The following ZNF469 variants were observed in gnomAD, a reference collection of about 807,000 sequenced individuals.
The protein encoded by ZNF469 is zinc finger protein 469.
Under a neutral mutation model 1.0 loss-of-function variants are expected in ZNF469, and 1 was observed. The observed-to-expected ratio is 1.00, with a 90% CI of 0.35 to 4.73. The LOEUF (loss-of-function observed/expected upper bound fraction) is 4.73. Among genes scored for constraint, ZNF469 ranks in the 30% most tolerant of loss-of-function variants. The pLI, the probability that ZNF469 is intolerant of heterozygous loss-of-function variation, is 0.16. For synonymous variants in ZNF469, 2,703 were observed against 2,363.4 expected, an observed-to-expected ratio of 1.14 and a Z score of -4.17; for missense variants, 6,100 against 5,356.3, an observed-to-expected ratio of 1.14 and a Z score of -4.33.
chr16:88,430,305 G>C lies in ZNF469; in HGVS notation c.2835G>C (p.Gln945His). The C allele has an allele frequency of 6.6e-7, 1 of 1,515,512 alleles. No individual in the cohort carries two copies. Among genetic ancestry groups the C allele is most frequent in the Non-Finnish European group, 8.8e-7 (1 of 1,134,882 alleles). 93.9% of individuals were successfully genotyped at this position (1,515,512 alleles called of 1,614,324 possible). Residue 945 changes from glutamine (Q) to histidine (H), a missense_variant, in exon 3 of 3, where the codon CAG (glutamine) becomes CAC (histidine). Gln to His is a conservative substitution (Grantham distance 24). Transcript: ENST00000565624. ...EADAPSQGRQ[Q>H]RRGKQLKLFR... ...ATGCGCCCAGCCAGGGCAGGCAGCA[G>C]AGGAGGGGGAAGCAGTTGAAGCTGT...
chr16:88,406,527 G>T (rs574264886), intron 1 of ZNF469, among the ~76,000 whole-genome samples: 1 of 152,182 alleles, frequency 6.6e-6, no homozygotes, highest in Non-Finnish European at 1.5e-5. Context: ...CCAGGTTATC[G>T]GAAGGACCCG....
the ZNF469 span, among the ~76,000 whole-genome samples, chr16:88,312,283 G>A: frequency 6.6e-6 from 1 of 152,232 alleles, no homozygotes; most frequent in Non-Finnish European, 1.5e-5. Flanking sequence ...AAGCCTATCA[G>A]TACGGTAGTT....
chr16:88,302,850 G>A, the ZNF469 span, among the ~76,000 whole-genome samples: 11 of 152,188 alleles, frequency 7.2e-5, no homozygotes, highest in Admixed American at 2.0e-4. Flanking sequence ...GGCCAGGGTG[G>A]GGCCACCACT....
chr16:88,397,140 C>T (rs72805329), intron 1 of ZNF469, among the ~76,000 whole-genome samples: 14,646 of 152,288 alleles, frequency 0.096, 811 homozygotes, highest in African/African-American at 0.13. Flanking sequence ...GGCTAAGTGG[C>T]CCCCAGGGCT....
the ZNF469 span, among the ~76,000 whole-genome samples, chr16:88,139,266 T>A: frequency 2.0e-5 from 3 of 151,918 alleles, no homozygotes; most frequent in East Asian, 5.8e-4. Flanking sequence ...GAAATCTTTT[T>A]GCCCCCTGGC....
rs953923193 is a variant in ZNF469 at position 88,431,558 on chromosome 16, C to T, written c.4088C>T (p.Pro1363Leu). The change falls in exon 3 of 3, where the codon CCC (proline) becomes CTC (leucine). Residue 1363 changes from proline to leucine, a missense_variant. Transcript: ENST00000565624. ...GACCCTGCTGGTTTTAACAGAGACCCCTTGGGGGTTCCAGTTGCCAAAAAG... is the reference window on the plus strand; with the variant it reads ...GACCCTGCTGGTTTTAACAGAGACCTCTTGGGGGTTCCAGTTGCCAAAAAG... ...GCDPAGFNRD[P>L]LGVPVAKKGP... The T allele has an allele frequency of 3.2e-6, 5 of 1,550,334 alleles. No individual in the cohort carries two copies. Among genetic ancestry groups the T allele is most frequent in the Admixed American group, 3.9e-5 (2 of 50,988 alleles).
chr16:88,331,455 CCAT>C, the ZNF469 span, among the ~76,000 whole-genome samples: 3 of 150,794 alleles, frequency 2.0e-5, no homozygotes, highest in Non-Finnish European at 4.4e-5. Flanking sequence ...ATAATCACCA[CCAT>C]CATCACTACC....
chr16:88,246,883 ATG>A, the ZNF469 span, among the ~76,000 whole-genome samples: 1 of 151,062 alleles, frequency 6.6e-6, no homozygotes, highest in Non-Finnish European at 1.5e-5. Context: ...GAGTGAATGA[ATG>A]AGTGAGTGAA....
At chr16:88,234,404 G>GAAGA in the ZNF469 span, among the ~76,000 whole-genome samples, 1 of 152,258 alleles carries the variant, frequency 6.6e-6, no homozygotes, top group Non-Finnish European at 1.5e-5. Flanking sequence ...GGGGCAGGGA[G>GAAGA]AAGACCTTTA....
At chr16:88,318,296 G>A in the ZNF469 span, among the ~76,000 whole-genome samples, 7 of 152,270 alleles carry the variant, frequency 4.6e-5, no homozygotes, top group African/African-American at 1.4e-4. Flanking sequence ...TGTTACATTC[G>A]GCAGGGGCTG....
chr16:88,182,763 C>T, the ZNF469 span, among the ~76,000 whole-genome samples: 1 of 150,076 alleles, frequency 6.7e-6, no homozygotes, highest in African/African-American at 2.4e-5. Context: ...TGGTTGTAGA[C>T]CTGAAGGTAA....
the ZNF469 span, among the ~76,000 whole-genome samples, chr16:88,167,743 T>TG: frequency 6.6e-6 from 1 of 151,980 alleles, no homozygotes; most frequent in Non-Finnish European, 1.5e-5. Flanking sequence ...GAGCTGCAAA[T>TG]GGGGGGTGGG....
At chr16:88,348,655 C>G in the ZNF469 span, among the ~76,000 whole-genome samples, 3 of 152,198 alleles carry the variant, frequency 2.0e-5, no homozygotes, top group African/African-American at 4.8e-5. Context: ...AGCCCAGGCC[C>G]TGCCCAGACC....
the ZNF469 span, among the ~76,000 whole-genome samples, chr16:88,282,716 G>A: frequency 1.3e-5 from 2 of 152,208 alleles, no homozygotes; most frequent in African/African-American, 4.8e-5. Context: ...GAGCCTCACT[G>A]TCAATTGTCA....
the ZNF469 span, among the ~76,000 whole-genome samples, chr16:88,134,793 G>A: frequency 3.3e-5 from 5 of 152,172 alleles, no homozygotes; most frequent in African/African-American, 1.2e-4. Context: ...ACAGCTGTTT[G>A]CATTTTTTCT....
At chr16:88,230,501 G>C in the ZNF469 span, among the ~76,000 whole-genome samples, 1 of 151,876 alleles carries the variant, frequency 6.6e-6, no homozygotes, top group Non-Finnish European at 1.5e-5. Flanking sequence ...CTAGAGGAGC[G>C]GAACGTGGAA....
chr16:88,180,885 A>G, the ZNF469 span, among the ~76,000 whole-genome samples: 1 of 152,210 alleles, frequency 6.6e-6, no homozygotes, highest in South Asian at 2.1e-4. Context: ...ATCACAAAGT[A>G]AAGAAGAAAT....
the ZNF469 span, among the ~76,000 whole-genome samples, chr16:88,198,955 C>G: frequency 1.3e-5 from 2 of 152,214 alleles, no homozygotes; most frequent in Non-Finnish European, 2.9e-5. Context: ...CTTGACAAGA[C>G]GCTGCTGCCG....
intron 1 of ZNF469, among the ~76,000 whole-genome samples, chr16:88,402,749 T>G (rs753705463): frequency 6.6e-6 from 1 of 152,130 alleles, no homozygotes; most frequent in Non-Finnish European, 1.5e-5. Context: ...CTCTGGACAT[T>G]ATTCCTCCGG....
Sources: gnomAD v4.1 joint callset for allele counts (sites outside exome capture counted in the v4.1 genomes callset) on GRCh38, gnomAD v4.1.1 for gene constraint, MANE v1.5 for transcripts, NCBI Gene and HGNC (gene_info 2026-07-23, HGNC 2026-07-21) for gene names.